MLXIPL: variants seen among roughly 807,000 people sequenced by gnomAD.
MLXIPL encodes the protein MLX interacting protein like, also known as carbohydrate-responsive element-binding protein.
In MLXIPL, 49 loss-of-function variants were observed where a neutral mutation model predicts 81.5. The observed-to-expected ratio is 0.60, with a 90% confidence interval of 0.48 to 0.76. The LOEUF (loss-of-function observed/expected upper bound fraction) is 0.76. Among genes scored for constraint, MLXIPL ranks in the 30% least tolerant of loss-of-function variants. MLXIPL has a pLI of 0.00. For synonymous variants in MLXIPL, 466 were observed against 485.5 expected (o/e 0.96, Z 0.53); for missense variants, 1,053 against 1,167.0 (o/e 0.90, Z 1.42).
At chr7:73,637,220 G>A in the MLXIPL span, among the ~76,000 whole-genome samples, 12,062 of 151,712 alleles carry the variant, frequency 0.08, 532 homozygotes, top group Middle Eastern at 0.13. Flanking sequence ...GCTCATGCCT[G>A]TAATCCCAGC....
At chr7:73,633,915 C>T in the MLXIPL span, among the ~76,000 whole-genome samples, 4 of 152,174 alleles carry the variant, frequency 2.6e-5, no homozygotes, top group East Asian at 3.9e-4. Flanking sequence ...GGTGCGGGGA[C>T]GAGGGAGATG....
At chr7:73,637,201 T>C in the MLXIPL span, among the ~76,000 whole-genome samples, 1 of 151,834 alleles carries the variant, frequency 6.6e-6, no homozygotes, top group Non-Finnish European at 1.5e-5. Context: ...AAAGGGGCCT[T>C]GTGCAGTGGC....
At chr7:73,628,504 C>T (rs1487903268), upstream of MLXIPL, among the ~76,000 whole-genome samples, 6 of 152,202 alleles carry the variant, frequency 3.9e-5, no homozygotes, top group African/African-American at 1.4e-4. Context: ...TCTGATTTCT[C>T]CTGTGTTTAG....
intron 4 of MLXIPL, 75 bp downstream of exon 4, chr7:73,607,256 G>C: frequency 6.9e-7 from 1 of 1,450,894 alleles, no homozygotes; most frequent in Non-Finnish European, 9.5e-7. Flanking sequence ...CCTTTCCAGG[G>C]ATCTTCCGAG....
intron 1 of MLXIPL, 115 bp downstream of exon 1, chr7:73,624,085 C>A (rs1796556517): frequency 1.5e-6 from 2 of 1,367,356 alleles, no homozygotes; most frequent in Non-Finnish European, 1.9e-6. Flanking sequence ...CCTCCGGGAG[C>A]CGCAGGACCG....
the MLXIPL span, among the ~76,000 whole-genome samples, chr7:73,634,273 G>A: frequency 1.4e-4 from 22 of 152,284 alleles, no homozygotes; most frequent in East Asian, 2.9e-3. Flanking sequence ...GCTCACACCT[G>A]TAATCCAAAA....
chr7:73,608,217 G>A (rs1159539913), intron 2 of MLXIPL, among the ~76,000 whole-genome samples: 2 of 152,012 alleles, frequency 1.3e-5, no homozygotes, highest in African/African-American at 4.8e-5. Context: ...GGTTCCTCTG[G>A]AGCCCCATAG....
At chr7:73,631,167 C>G in the MLXIPL span, among the ~76,000 whole-genome samples, 1 of 152,020 alleles carries the variant, frequency 6.6e-6, no homozygotes, top group African/African-American at 2.4e-5. Flanking sequence ...CGCCACCACG[C>G]CCAGCTAATT....
rs1300260482 is a variant in MLXIPL, at chr7:73,607,651, G to A, written c.422C>T (p.Pro141Leu). The part of the protein sequence containing the change: ...YIQYVKRRKS[P>L]VCGFVTPLQG... ...CAGGGGGGTCACGAAGCCACACACGGGGCTCTTCCTCCGCTTCACATCTGA... is the reference window on the plus strand; with the variant it reads ...CAGGGGGGTCACGAAGCCACACACGAGGCTCTTCCTCCGCTTCACATCTGA... The change falls in exon 3 of 17, where the codon CCC becomes CTC. Residue 141 changes from proline (P) to leucine (L), a missense_variant. Coordinates refer to ENST00000313375, the MANE Select transcript of MLXIPL (RefSeq NM_032951.3). 4 of 1,613,286 alleles carry A rather than the reference G, an allele frequency of 2.5e-6. No individual in the cohort carries two copies. Among genetic ancestry groups the A allele is most frequent in the African/African-American group, 2.7e-5 (2 of 74,882 alleles).
chr7:73,636,463 T>C, the MLXIPL span, among the ~76,000 whole-genome samples: 1 of 144,222 alleles, frequency 6.9e-6, no homozygotes, highest in Non-Finnish European at 1.5e-5. Context: ...GGGCAGAAGG[T>C]ATTCTGGGAG....
Position 73,623,696 on chromosome 7 carries a change from G to A in MLXIPL, c.293+504C>T, listed in dbSNP as rs1554602848. On this transcript the variant is annotated intron_variant, in intron 1 of 16. Coordinates refer to ENST00000313375, the MANE Select transcript of MLXIPL (RefSeq NM_032951.3). The surrounding 1 kb of genome is among the most constrained non-coding windows in gnomAD (Gnocchi z 5.7). Reference sequence around the variant, plus strand: ...GCCAGTTCCAGTCCACTTTGGTTATGAACTGGGACAATCAGGGGCGCTGGG... The same window carrying A: ...GCCAGTTCCAGTCCACTTTGGTTATAAACTGGGACAATCAGGGGCGCTGGG... 6.6e-6 allele frequency among the ~76,000 whole-genome samples: 1 copy of A among 152,198 alleles called. No homozygotes were observed. The highest frequency in any genetic ancestry group is 1.9e-4 in the East Asian group (1 of 5,196).
At chr7:73,646,225 C>G in the MLXIPL span, among the ~76,000 whole-genome samples, 7 of 152,288 alleles carry the variant, frequency 4.6e-5, no homozygotes, top group Non-Finnish European at 4.4e-5. Flanking sequence ...CCAGGGAGGG[C>G]CATTGCCTGA....
At chr7:73,600,387 GT>G (rs1794696714) in intron 7 of MLXIPL, among the ~76,000 whole-genome samples, 4 of 113,544 alleles carry the variant, frequency 3.5e-5, no homozygotes, top group African/African-American at 7.0e-5. Context: ...GGTGAGGGGG[GT>G]GCCTAAGGCT....
rs1554603122 is a variant in MLXIPL, at chr7:73,624,409, G to C, written c.84C>G (p.Asp28Glu). The C allele has an allele frequency of 6.4e-7, 1 of 1,567,482 alleles. No homozygotes were observed. The highest frequency in any genetic ancestry group is 8.6e-7 in the Non-Finnish European group (1 of 1,163,064). Residue 28 changes from aspartate to glutamate, a missense_variant, in exon 1 of 17, where the codon GAC (aspartate) becomes GAG (glutamate). By Grantham distance (45) the Asp-to-Glu change is conservative. Coordinates refer to ENST00000313375, the MANE Select transcript of MLXIPL (RefSeq NM_032951.3). ...TGCGCCGGAGACTCGGGTCCTCCGA[G>C]TCTGTGTCCGAGTCCGAGTCTGGGC... Reference protein sequence around the residue: ...APSPDSDSDTDSEDPSLRRSA... With the variant: ...APSPDSDSDTESEDPSLRRSA...
chr7:73,595,889 C>G lies in MLXIPL; in HGVS notation c.2139G>C (p.Glu713Asp). ...CAATCTCATCCCGCAGCTGCTGGGC[C>G]TCCTCCTGCAAGCCCGCACGCTCCT... ...LQQERAGLQE[E>D]AQQLRDEIEE... The change falls in exon 14 of 17, where the codon GAG becomes GAC. Residue 713 changes from glutamate (E) to aspartate (D), a missense_variant. This residue lies in a region of MLXIPL where 823 missense variants were observed against 933.0 expected (regional missense o/e 0.88). Transcript: ENST00000313375. The G allele has an allele frequency of 6.2e-7, 1 of 1,612,812 alleles. No individual in the cohort carries two copies. Among genetic ancestry groups the G allele is most frequent in the Non-Finnish European group, 8.5e-7 (1 of 1,179,708 alleles).
the MLXIPL span, among the ~76,000 whole-genome samples, chr7:73,631,010 A>G: frequency 6.9e-6 from 1 of 145,520 alleles, no homozygotes; most frequent in Non-Finnish European, 1.5e-5. Flanking sequence ...ACTAGGGAAT[A>G]CTTTTTTTTT....
At chr7:73,629,484 C>T (rs1290718740), upstream of MLXIPL, among the ~76,000 whole-genome samples, 1 of 152,166 alleles carries the variant, frequency 6.6e-6, no homozygotes, top group Non-Finnish European at 1.5e-5. Context: ...CCAGTAATCC[C>T]AGCACTTTGA....
the MLXIPL span, among the ~76,000 whole-genome samples, chr7:73,637,015 G>A: frequency 6.8e-6 from 1 of 147,068 alleles, no homozygotes; most frequent in Admixed American, 6.9e-5. Context: ...AGCTGAGATG[G>A]TGCCACTGCA....
At chr7:73,642,630 A>G in the MLXIPL span, among the ~76,000 whole-genome samples, 1 of 152,194 alleles carries the variant, frequency 6.6e-6, no homozygotes, top group African/African-American at 2.4e-5. Context: ...TTCTGGGATT[A>G]CAGGCGTGAG....
Sources: allele counts gnomAD v4.1 joint callset (sites outside exome capture counted in the v4.1 genomes callset), GRCh38; gene constraint gnomAD v4.1.1; regional missense constraint gnomAD v4.1.1; non-coding constraint Gnocchi (gnomAD v3.1); transcripts MANE v1.5; gene names NCBI Gene and HGNC (gene_info 2026-07-23, HGNC 2026-07-21).